FOXP1: variants seen among roughly 807,000 people sequenced by gnomAD.
FOXP1 encodes forkhead box protein P1.
FOXP1 carries 15 observed loss-of-function variants against 98.2 expected under a neutral mutation model. The ratio of observed to expected loss-of-function variants is 0.15; its 90% CI spans 0.10 to 0.24. The LOEUF (loss-of-function observed/expected upper bound fraction) is 0.24, where lower values mean the gene tolerates loss of function less well. FOXP1 is among the 10% of genes least tolerant of loss of function. The probability of loss-of-function intolerance (pLI) is 1.00; values close to 1 mark genes in which losing one functional copy is unlikely to be tolerated. For synonymous variants in FOXP1, 371 were observed against 314.5 expected, an observed-to-expected ratio of 1.18 and a Z score of -1.90; for missense variants, 633 against 848.5, an observed-to-expected ratio of 0.75 and a Z score of 3.15.
chr3:71,154,931 A>G (rs1199471684), intron 6 of FOXP1, among the ~76,000 whole-genome samples: 2 of 152,194 alleles, frequency 1.3e-5, no homozygotes, highest in Non-Finnish European at 2.9e-5. Flanking sequence ...GAATTTGTCA[A>G]TCTGGGGAAA....
intron 3 of FOXP1, among the ~76,000 whole-genome samples, chr3:71,440,172 T>C (rs147774931): frequency 2.6e-5 from 4 of 152,312 alleles, no homozygotes; most frequent in Non-Finnish European, 4.4e-5. Flanking sequence ...TTCTGGAGAC[T>C]GGTTGCACAA....
At chr3:71,051,798 GAACTGGT>G (rs2049931834) in intron 9 of FOXP1, among the ~76,000 whole-genome samples, 1 of 152,166 alleles carries the variant, frequency 6.6e-6, no homozygotes, top group Non-Finnish European at 1.5e-5. Context: ...AATAGAAGGT[GAACTGGT>G]AACTCCCTGG....
At chr3:71,556,339 A>G (rs891999946) in intron 2 of FOXP1, among the ~76,000 whole-genome samples, 2 of 152,110 alleles carry the variant, frequency 1.3e-5, no homozygotes, top group Non-Finnish European at 2.9e-5. Context: ...GCACTTTGGG[A>G]GGCCGACGTG....
chr3:71,362,241 G>A (rs1322236681), intron 3 of FOXP1, among the ~76,000 whole-genome samples: 1 of 151,960 alleles, frequency 6.6e-6, no homozygotes, highest in African/African-American at 2.4e-5. Flanking sequence ...GTATGATCTC[G>A]GCTCACTGCA....
intron 11 of FOXP1, among the ~76,000 whole-genome samples, chr3:71,037,459 G>A (rs2047740797): frequency 6.6e-6 from 1 of 152,134 alleles, no homozygotes; most frequent in South Asian, 2.1e-4. Flanking sequence ...ATCTTCATAT[G>A]TACCGGTATC....
intron 5 of FOXP1, among the ~76,000 whole-genome samples, chr3:71,231,965 T>C (rs2066324274): frequency 6.6e-6 from 1 of 152,250 alleles, no homozygotes; most frequent in Admixed American, 6.5e-5. Context: ...AAGAATTATG[T>C]ACCTAAGAAA....
intron 6 of FOXP1, among the ~76,000 whole-genome samples, chr3:71,188,069 C>A (rs1351164643): frequency 3.9e-5 from 6 of 152,162 alleles, no homozygotes; most frequent in African/African-American, 1.4e-4. Context: ...TAGGATGCTA[C>A]CTCTTATTTT....
Position 71,477,115 on chromosome 3 carries a change from C to T in FOXP1, c.-168+16311G>A, listed in dbSNP as rs1393399430. ...GCTTTCTTCCTGCCTGGCTGGTTTCCGCCATCTTTCTTTCTGTAGCAACAG... is the reference window on the plus strand; with the variant it reads ...GCTTTCTTCCTGCCTGGCTGGTTTCTGCCATCTTTCTTTCTGTAGCAACAG... On this transcript the variant is annotated intron_variant, in intron 3 of 20. Transcript: ENST00000649528. Among the ~76,000 whole-genome samples, 4 of 152,082 alleles carry T rather than the reference C, an allele frequency of 2.6e-5. No individual in the cohort carries two copies. The South Asian group carries it at 6.2e-4, about 24-fold the overall frequency.
chr3:71,402,407 T>C (rs2082011522), intron 3 of FOXP1, among the ~76,000 whole-genome samples: 1 of 152,148 alleles, frequency 6.6e-6, no homozygotes, highest in African/African-American at 2.4e-5. Flanking sequence ...GTAAACCATG[T>C]TTGCGCCACT....
chr3:70,972,231 G>A, intron 18 of FOXP1: 1 of 1,451,632 alleles, frequency 6.9e-7, no homozygotes, highest in Non-Finnish European at 9.2e-7. Flanking sequence ...AAAGGAGACG[G>A]GGTTGGGGGC....
intron 3 of FOXP1, among the ~76,000 whole-genome samples, chr3:71,432,846 TA>T (rs369694659): frequency 0.021 from 1,914 of 92,254 alleles, 55 homozygotes; most frequent in Admixed American, 0.1. Flanking sequence ...GTGAACATGT[TA>T]AAAAAAAAAA....
intron 4 of FOXP1, among the ~76,000 whole-genome samples, chr3:71,355,569 G>C (rs2078095817): frequency 6.6e-6 from 1 of 152,142 alleles, no homozygotes; most frequent in African/African-American, 2.4e-5. Context: ...CATCTGAGAA[G>C]AGTAATGGGG....
chr3:70,959,450 G>T, intron 20 of FOXP1, 59 bp from the exon 21 acceptor site: 1 of 1,604,048 alleles, frequency 6.2e-7, no homozygotes, highest in Non-Finnish European at 8.5e-7. Context: ...CAGCTCAGGT[G>T]CACTGAAAAG....
intron 4 of FOXP1, among the ~76,000 whole-genome samples, chr3:71,328,246 T>C (rs928034366): frequency 2.0e-5 from 3 of 152,054 alleles, no homozygotes; most frequent in African/African-American, 4.8e-5. Context: ...TTGGCCAACA[T>C]GGTAAAACCC....
At chr3:71,083,751 C>T (rs1257538566) in intron 7 of FOXP1, among the ~76,000 whole-genome samples, 3 of 152,218 alleles carry the variant, frequency 2.0e-5, no homozygotes, top group Non-Finnish European at 4.4e-5. Flanking sequence ...TACCTGAGTG[C>T]CTGGTTCCAG....
In FOXP1 at chr3:71,217,896, C is replaced by T. The variant is rs370559230; in HGVS notation, c.-11-19504G>A. 8.5e-5 allele frequency among the ~76,000 whole-genome samples: 13 copies of T among 152,302 alleles called. No individual in the cohort carries two copies. The East Asian group carries it at 1.7e-3, about 20-fold the overall frequency. On this transcript the variant is annotated intron_variant, in intron 5 of 20. Coordinates refer to ENST00000649528, the MANE Select transcript of FOXP1 (RefSeq NM_001349338.3). ...TACTTCTCCCTCCAACAAGTAGGTT[C>T]GCCAATCATAAAATCATCTTCTCAA...
intron 3 of FOXP1, among the ~76,000 whole-genome samples, chr3:71,406,256 A>T (rs1486098961): frequency 6.6e-6 from 1 of 151,954 alleles, no homozygotes; most frequent in African/African-American, 2.4e-5. Context: ...GGCTGAAATC[A>T]AGGACTGTGT....
chr3:71,547,804 A>G (rs1454667794), intron 2 of FOXP1, among the ~76,000 whole-genome samples: 1 of 152,174 alleles, frequency 6.6e-6, no homozygotes, highest in East Asian at 1.9e-4. Flanking sequence ...TGACTATTCA[A>G]TCCTTTGGTG....
At chr3:71,143,547 A>T in intron 6 of FOXP1, among the ~76,000 whole-genome samples, 1 of 152,212 alleles carries the variant, frequency 6.6e-6, no homozygotes, top group Admixed American at 6.5e-5. Context: ...TGTAAAATGG[A>T]AATAATAATG....
Sources: allele counts gnomAD v4.1 joint callset (sites outside exome capture counted in the v4.1 genomes callset), GRCh38; gene constraint gnomAD v4.1.1; transcripts MANE v1.5; gene names NCBI Gene and HGNC (gene_info 2026-07-23, HGNC 2026-07-21).